ERC2: variants seen among roughly 807,000 people sequenced by gnomAD.
ERC2 encodes ELKS/RAB6-interacting/CAST family member 2, also known as ERC protein 2.
A neutral mutation model predicts 114.8 loss-of-function variants in ERC2; 42 were observed. The ratio of observed to expected loss-of-function variants is 0.37; its 90% CI spans 0.29 to 0.47. The LOEUF is 0.47. ERC2 is among the 20% of genes least tolerant of loss of function. The probability of loss-of-function intolerance (pLI) is 0.99; values close to 1 mark genes in which losing one functional copy is unlikely to be tolerated. For missense variants in ERC2, 939 were observed against 1,150.7 expected (o/e 0.82, Z 2.66); for synonymous variants, 454 against 425.5 (o/e 1.07, Z -0.82).
At chr3:55,693,239 T>A (rs1286866577) in intron 16 of ERC2, among the ~76,000 whole-genome samples, 1 of 152,204 alleles carries the variant, frequency 6.6e-6, no homozygotes, top group East Asian at 1.9e-4. Context: ...CACCTTAAAG[T>A]TCAGAATGCA....
chr3:56,431,776 C>T (rs2061802618), intron 2 of ERC2, among the ~76,000 whole-genome samples: 1 of 152,198 alleles, frequency 6.6e-6, no homozygotes, highest in African/African-American at 2.4e-5. Flanking sequence ...GCTTCTTCCT[C>T]ATTTTACACT....
chr3:56,331,726 G>A lies in ERC2; in HGVS notation c.658-35291C>T, dbSNP rs538298546. Among the ~76,000 whole-genome samples the A allele has an allele frequency of 1.8e-4, 28 of 152,172 alleles. No homozygotes were observed. The East Asian group carries it at 4.1e-3, about 22-fold the overall frequency. On this transcript the variant is annotated intron_variant, in intron 2 of 17. Coordinates refer to ENST00000288221, the MANE Select transcript of ERC2 (RefSeq NM_015576.3). ...ATAACTGGTGGGTGCGTGTGGCATCGGCCACACTGCAGTAACCACCTCACT... is the reference window on the plus strand; with the variant it reads ...ATAACTGGTGGGTGCGTGTGGCATCAGCCACACTGCAGTAACCACCTCACT...
intron 17 of ERC2, among the ~76,000 whole-genome samples, chr3:55,590,934 T>C (rs545887307): frequency 3.6e-4 from 55 of 152,286 alleles, no homozygotes; most frequent in African/African-American, 1.3e-3. Flanking sequence ...GTTCAAGCGA[T>C]TCTCATGCCT....
chr3:55,612,496 C>T (rs1575768424), intron 17 of ERC2, among the ~76,000 whole-genome samples: 1 of 152,150 alleles, frequency 6.6e-6, no homozygotes, highest in African/African-American at 2.4e-5. Context: ...AAGTTGGTAT[C>T]CAGAGATGTC....
intron 6 of ERC2, among the ~76,000 whole-genome samples, chr3:56,100,451 T>C (rs923065211): frequency 5.9e-5 from 9 of 152,174 alleles, no homozygotes; most frequent in Non-Finnish European, 1.5e-5. Flanking sequence ...GGTGGCATCC[T>C]TGCCCTTGAT....
chr3:56,133,368 C>T (rs1432181574), intron 6 of ERC2, among the ~76,000 whole-genome samples: 5 of 152,026 alleles, frequency 3.3e-5, no homozygotes, highest in African/African-American at 1.2e-4. Context: ...ACCCGAGAGG[C>T]GGAGGTTGCA....
At chr3:56,058,659 T>C (rs1286074560) in intron 7 of ERC2, among the ~76,000 whole-genome samples, 1 of 152,150 alleles carries the variant, frequency 6.6e-6, no homozygotes, top group Non-Finnish European at 1.5e-5. Context: ...TGACCTCCCA[T>C]AGGCAAGATG....
chr3:55,991,642 T>C (rs1042690048), intron 11 of ERC2, among the ~76,000 whole-genome samples: 5 of 152,196 alleles, frequency 3.3e-5, no homozygotes, highest in Admixed American at 6.5e-5. Flanking sequence ...AATGAAGAAT[T>C]CCCAACTATA....
intron 2 of ERC2, among the ~76,000 whole-genome samples, chr3:56,418,997 T>C (rs1430700670): frequency 1.3e-5 from 2 of 152,198 alleles, no homozygotes; most frequent in East Asian, 3.8e-4. Flanking sequence ...CAGGTCAAGT[T>C]CCAAGGTAGA....
intron 17 of ERC2, among the ~76,000 whole-genome samples, chr3:55,676,362 T>C (rs995496423): frequency 1.3e-5 from 2 of 151,916 alleles, no homozygotes; most frequent in African/African-American, 4.8e-5. Flanking sequence ...CAGTGCTAAC[T>C]ACCAAAGGCA....
At chr3:56,208,371 A>G (rs1232332274) in intron 3 of ERC2, among the ~76,000 whole-genome samples, 1 of 152,218 alleles carries the variant, frequency 6.6e-6, no homozygotes, top group African/African-American at 2.4e-5. Context: ...AATTTAGACA[A>G]AGTTCATTCT....
chr3:55,991,542 T>A (rs1177737485), intron 11 of ERC2, among the ~76,000 whole-genome samples: 1 of 152,212 alleles, frequency 6.6e-6, no homozygotes, highest in Non-Finnish European at 1.5e-5. Flanking sequence ...TAAAAGGTCC[T>A]CTTAAGAGAT....
At chr3:55,755,083 CT>C (rs35629979) in intron 14 of ERC2, among the ~76,000 whole-genome samples, 23,206 of 145,654 alleles carry the variant, frequency 0.16, 1,833 homozygotes, top group Middle Eastern at 0.22. Context: ...TATTCATCTT[CT>C]TTTTTTTTTT....
intron 3 of ERC2, among the ~76,000 whole-genome samples, chr3:56,260,614 A>G (rs2052852858): frequency 1.3e-5 from 2 of 152,248 alleles, no homozygotes; most frequent in South Asian, 4.2e-4. Flanking sequence ...AAGATGGCAG[A>G]TCCAGGTTTG....
chr3:55,857,682 G>C (rs540371473), intron 14 of ERC2, among the ~76,000 whole-genome samples: 1 of 152,188 alleles, frequency 6.6e-6, no homozygotes, highest in Non-Finnish European at 1.5e-5. Context: ...AAATGATGAT[G>C]ATTACAATTG....
intron 13 of ERC2, among the ~76,000 whole-genome samples, chr3:55,906,025 C>T (rs2064413889): frequency 6.6e-6 from 1 of 152,144 alleles, no homozygotes. Flanking sequence ...CCATTTCCTT[C>T]ACAAGGCTTT....
chr3:55,733,019 C>T (rs1316360785), intron 15 of ERC2, among the ~76,000 whole-genome samples: 2 of 152,140 alleles, frequency 1.3e-5, no homozygotes, highest in Non-Finnish European at 2.9e-5. Flanking sequence ...TGCATCGTAG[C>T]TGGACCAGTG....
At chr3:56,175,065 A>G (rs1293826312) in intron 3 of ERC2, among the ~76,000 whole-genome samples, 1 of 152,138 alleles carries the variant, frequency 6.6e-6, no homozygotes, top group African/African-American at 2.4e-5. Flanking sequence ...ATCCAGGATA[A>G]GATAAGCAGG....
intron 13 of ERC2, among the ~76,000 whole-genome samples, chr3:55,936,618 A>T (rs2066461996): frequency 6.6e-6 from 1 of 152,204 alleles, no homozygotes; most frequent in African/African-American, 2.4e-5. Context: ...CACATACCTG[A>T]AGAAAGAACC....
Sources: gnomAD v4.1 joint callset for allele counts (sites outside exome capture counted in the v4.1 genomes callset) on GRCh38, gnomAD v4.1.1 for gene constraint, MANE v1.5 for transcripts, NCBI Gene and HGNC (gene_info 2026-07-23, HGNC 2026-07-21) for gene names.